The following GMDS variants were observed in gnomAD, a reference collection of about 807,000 sequenced individuals.
GMDS encodes the protein GDP-mannose 4,6-dehydratase.
GMDS carries 20 observed loss-of-function variants against 49.9 expected under a neutral mutation model. The observed-to-expected ratio is 0.40, with a 90% confidence interval of 0.28 to 0.58. The LOEUF (loss-of-function observed/expected upper bound fraction) is 0.58. GMDS is among the 20% of genes least tolerant of loss of function. The pLI is 0.42. For missense variants in GMDS, 362 were observed against 481.4 expected (o/e 0.75, Z 2.32); for synonymous variants, 177 against 178.6 (o/e 0.99, Z 0.07).
chr6:2,045,150 T>C (rs978492073), intron 4 of GMDS, among the ~76,000 whole-genome samples: 2 of 152,082 alleles, frequency 1.3e-5, no homozygotes, highest in Non-Finnish European at 2.9e-5. Flanking sequence ...TCCTATAAAA[T>C]TCATTTCATT....
chr6:1,695,916 T>C (rs896740691), intron 9 of GMDS, among the ~76,000 whole-genome samples: 1 of 148,156 alleles, frequency 6.7e-6, no homozygotes, highest in Non-Finnish European at 1.5e-5. Flanking sequence ...GGTTTTTTTT[T>C]TTTTTTCTTT....
intron 9 of GMDS, among the ~76,000 whole-genome samples, chr6:1,725,859 T>C (rs568314953): frequency 6.6e-6 from 1 of 152,246 alleles, no homozygotes; most frequent in East Asian, 1.9e-4. Context: ...TAGCATATAA[T>C]GTGGATACAA....
chr6:1,678,198 T>TC (rs993545434), intron 9 of GMDS, among the ~76,000 whole-genome samples: 2 of 152,068 alleles, frequency 1.3e-5, no homozygotes, highest in African/African-American at 4.8e-5. Flanking sequence ...CAGGAAAAAA[T>TC]CCCCTGTGCT....
intron 7 of GMDS, among the ~76,000 whole-genome samples, chr6:1,780,189 G>A (rs75051136): frequency 6.6e-6 from 1 of 152,350 alleles, no homozygotes; most frequent in East Asian, 1.9e-4. Flanking sequence ...GTATAAGTAA[G>A]TTTGATGAGT....
At chr6:1,647,140 T>C (rs1403569136) in intron 9 of GMDS, among the ~76,000 whole-genome samples, 2 of 152,228 alleles carry the variant, frequency 1.3e-5, no homozygotes, top group East Asian at 3.8e-4. Context: ...GAGGAACCAG[T>C]GTTCTGCAAG....
At chr6:1,771,591 C>A (rs529422574) in intron 7 of GMDS, among the ~76,000 whole-genome samples, 29 of 152,224 alleles carry the variant, frequency 1.9e-4, no homozygotes, top group Non-Finnish European at 3.5e-4. Flanking sequence ...CATCCTACAG[C>A]TACACAGCAC....
intron 4 of GMDS, among the ~76,000 whole-genome samples, chr6:2,028,953 T>C (rs532789397): frequency 6.6e-6 from 1 of 152,052 alleles, no homozygotes; most frequent in South Asian, 2.1e-4. Context: ...ATGAGGATGA[T>C]TATACAAGAT....
chr6:1,637,653 G>A (rs1763203510), intron 9 of GMDS, among the ~76,000 whole-genome samples: 1 of 152,250 alleles, frequency 6.6e-6, no homozygotes, highest in Non-Finnish European at 1.5e-5. Context: ...CTGACCTACT[G>A]CAGACTGTTG....
At chr6:1,634,701 C>G (rs1007497013) in intron 9 of GMDS, among the ~76,000 whole-genome samples, 2 of 152,074 alleles carry the variant, frequency 1.3e-5, no homozygotes, top group African/African-American at 4.8e-5. Flanking sequence ...TGCATGAGTT[C>G]AAAGATGCCT....
At chr6:2,001,966 C>T (rs1766845494) in intron 4 of GMDS, among the ~76,000 whole-genome samples, 1 of 152,160 alleles carries the variant, frequency 6.6e-6, no homozygotes, top group Non-Finnish European at 1.5e-5. Context: ...ATTCCTTTTA[C>T]TGTGGCTTTA....
At chr6:1,880,095 G>A (rs1759290331) in intron 7 of GMDS, among the ~76,000 whole-genome samples, 1 of 151,800 alleles carries the variant, frequency 6.6e-6, no homozygotes, top group South Asian at 2.1e-4. Context: ...GGAGTAGAAA[G>A]GCACACAGTA....
intron 1 of GMDS, among the ~76,000 whole-genome samples, chr6:2,177,609 T>A (rs1369806110): frequency 6.6e-6 from 1 of 152,088 alleles, no homozygotes; most frequent in Admixed American, 6.5e-5. Context: ...ATCATCTCAA[T>A]AGACACAGAA....
At chr6:1,655,975 G>C (rs557499978) in intron 9 of GMDS, among the ~76,000 whole-genome samples, 58 of 152,322 alleles carry the variant, frequency 3.8e-4, no homozygotes, top group African/African-American at 1.3e-3. Flanking sequence ...CCCACAGCCA[G>C]GTCATACATG....
intron 4 of GMDS, among the ~76,000 whole-genome samples, chr6:1,962,648 C>G (rs557531033): frequency 3.3e-5 from 5 of 152,106 alleles, no homozygotes; most frequent in African/African-American, 1.2e-4. Flanking sequence ...TGTTCAGCAT[C>G]TTTTCATATG....
chr6:2,239,100 G>T (rs887201960), intron 1 of GMDS, among the ~76,000 whole-genome samples: 1 of 152,124 alleles, frequency 6.6e-6, no homozygotes, highest in Non-Finnish European at 1.5e-5. Flanking sequence ...AGGCCAAGGT[G>T]GGCGGATGAC....
At chr6:2,182,205 TGAGA>T (rs1778579458) in intron 1 of GMDS, among the ~76,000 whole-genome samples, 1 of 152,206 alleles carries the variant, frequency 6.6e-6, no homozygotes, top group South Asian at 2.1e-4. Context: ...ATATGATGGT[TGAGA>T]GAGGTGAGGA....
intron 9 of GMDS, among the ~76,000 whole-genome samples, chr6:1,643,882 T>G (rs1399558029): frequency 6.6e-6 from 1 of 151,744 alleles, no homozygotes; most frequent in Non-Finnish European, 1.5e-5. Flanking sequence ...AAAAAAAAAG[T>G]CCTTTTAAAA....
intron 7 of GMDS, among the ~76,000 whole-genome samples, chr6:1,750,342 C>T (rs10458130): frequency 0.34 from 51,898 of 152,090 alleles, 10,006 homozygotes; most frequent in Non-Finnish European, 0.45. Flanking sequence ...GTGAGATCAA[C>T]GCAGAAGGCA....
chr6:1,648,314 TG>T (rs1417229582), intron 9 of GMDS, among the ~76,000 whole-genome samples: 1 of 152,254 alleles, frequency 6.6e-6, no homozygotes, highest in Non-Finnish European at 1.5e-5. Flanking sequence ...CCAATATATC[TG>T]GACATTTCAG....
Sources: allele counts gnomAD v4.1 joint callset (sites outside exome capture counted in the v4.1 genomes callset), GRCh38; gene constraint gnomAD v4.1.1; transcripts MANE v1.5; gene names NCBI Gene and HGNC (gene_info 2026-07-23, HGNC 2026-07-21).